ATP6V1A: variants seen among roughly 807,000 people sequenced by gnomAD.
ATP6V1A encodes the protein ATPase H+ transporting V1 subunit A.
Under a neutral mutation model 70.1 loss-of-function variants are expected in ATP6V1A, and 18 were observed. The observed-to-expected ratio is 0.26, with a 90% confidence interval of 0.18 to 0.38. ATP6V1A has a LOEUF of 0.38. Ranked by LOEUF, ATP6V1A falls within the 10% of genes least tolerant of loss-of-function variation. The pLI is 1.00. For synonymous variants in ATP6V1A, 232 were observed against 253.8 expected (o/e 0.91, Z 0.82); for missense variants, 424 against 772.4 (o/e 0.55, Z 5.35).
intron 12 of ATP6V1A, among the ~76,000 whole-genome samples, chr3:113,799,945 T>C (rs1709191450): frequency 6.6e-6 from 1 of 152,098 alleles, no homozygotes; most frequent in African/African-American, 2.4e-5. Flanking sequence ...AAGACGCCAC[T>C]TCTCAGCCAG....
intron 14 of ATP6V1A, among the ~76,000 whole-genome samples, chr3:113,807,759 A>AT (rs1358952881): frequency 6.6e-6 from 1 of 152,164 alleles, no homozygotes; most frequent in African/African-American, 2.4e-5. Flanking sequence ...CATCACAGGT[A>AT]TTTTTTAATG....
chr3:113,774,236 T>C (rs1041482126), intron 1 of ATP6V1A, among the ~76,000 whole-genome samples: 6 of 152,192 alleles, frequency 3.9e-5, no homozygotes, highest in African/African-American at 1.4e-4. Context: ...AGAGACTAGA[T>C]TTGGTTCAAG....
rs371639275 is a variant in ATP6V1A, at chr3:113,781,129, T to G, written c.162T>G (p.Ile54Met). 3.1e-6 allele frequency: 5 copies of G among 1,613,768 alleles called. No homozygotes were observed. The African/African-American group carries it at 5.3e-5, about 17-fold the overall frequency. Residue 54 changes from isoleucine to methionine, a missense_variant, in exon 3 of 15, where the codon ATT (isoleucine) becomes ATG (methionine). Around this residue, in one of 9 missense-constraint regions of ATP6V1A, gnomAD observed 31 missense variants for 78.6 expected, o/e 0.39. Transcript: ENST00000273398. ...RVGHSELVGE[I>M]IRLEGDMATI... ...GCCACAGCGAATTGGTTGGAGAGAT[T>G]ATTCGATTGGAGGGTGACATGGCTA...
chr3:113,808,411 C>G (rs1045652019), intron 14 of ATP6V1A, among the ~76,000 whole-genome samples: 3 of 150,502 alleles, frequency 2.0e-5, no homozygotes, highest in African/African-American at 7.3e-5. Context: ...CCTGCCTCAG[C>G]CTCCCAAGTA....
chr3:113,782,423 T>G (rs1166807660), intron 3 of ATP6V1A, among the ~76,000 whole-genome samples: 4 of 151,738 alleles, frequency 2.6e-5, no homozygotes, highest in African/African-American at 9.7e-5. Flanking sequence ...CACACCTCCA[T>G]GCACACATGG....
intron 14 of ATP6V1A, among the ~76,000 whole-genome samples, chr3:113,809,114 G>A (rs1709311965): frequency 6.6e-6 from 1 of 151,994 alleles, no homozygotes; most frequent in Non-Finnish European, 1.5e-5. Context: ...AATTAGCTGG[G>A]CGTGATGGTG....
chr3:113,781,474 C>T (rs976369944), intron 3 of ATP6V1A, among the ~76,000 whole-genome samples: 7 of 151,978 alleles, frequency 4.6e-5, no homozygotes, highest in East Asian at 1.9e-4. Flanking sequence ...GCAGAGATCG[C>T]ACCACTGCAC....
intron 2 of ATP6V1A, chr3:113,779,163 A>C (rs1312367437): frequency 5.7e-6 from 1 of 176,850 alleles, no homozygotes; most frequent in South Asian, 1.9e-4. Flanking sequence ...TATAGCTTTT[A>C]ATATGTAATA....
chr3:113,801,583 C>T (rs1709212621), intron 12 of ATP6V1A, among the ~76,000 whole-genome samples: 1 of 152,120 alleles, frequency 6.6e-6, no homozygotes, highest in African/African-American at 2.4e-5. Context: ...AATTCTCAAG[C>T]AGGTCCTTAA....
At chr3:113,805,108 C>T (rs559503823) in intron 13 of ATP6V1A, among the ~76,000 whole-genome samples, 1 of 152,124 alleles carries the variant, frequency 6.6e-6, no homozygotes, top group South Asian at 2.1e-4. Context: ...TAAAATTTAC[C>T]CTTAAAATAA....
chr3:113,759,630 A>G (rs1206372827), intron 1 of ATP6V1A, among the ~76,000 whole-genome samples: 1 of 152,082 alleles, frequency 6.6e-6, no homozygotes, highest in African/African-American at 2.4e-5. Context: ...ATATTTAATC[A>G]TAATTTTTGA....
At position 113,784,737 on chromosome 3, in the gene ATP6V1A, C is replaced by T; in HGVS notation, c.468C>T (p.Val156=). The T allele has an allele frequency of 6.2e-7, 1 of 1,614,010 alleles. No homozygotes were observed. The highest frequency in any genetic ancestry group is 1.1e-5 in the South Asian group (1 of 91,076). ...HITGGDIYGI[V]SENSLIKHKI... is the part of the protein sequence containing the mutation. ...CTGGCGGAGACATTTATGGAATTGT[C>T]AGTGAGAACTCGCTTATCAAACACA... The change falls in exon 5 of 15, where the codon GTC becomes GTT. Residue 156 remains valine, a synonymous_variant. Transcript: ENST00000273398.
At chr3:113,777,727 A>G (rs1396127508) in intron 1 of ATP6V1A, among the ~76,000 whole-genome samples, 1 of 152,164 alleles carries the variant, frequency 6.6e-6, no homozygotes, top group Non-Finnish European at 1.5e-5. Flanking sequence ...CACTCCTGCC[A>G]AATCGACGGA....
intron 2 of ATP6V1A, chr3:113,779,175 C>T (rs1708952774): frequency 6.0e-6 from 1 of 167,130 alleles, no homozygotes; most frequent in African/African-American, 2.4e-5. Flanking sequence ...TATGTAATAC[C>T]TTGCATATAG....
intron 1 of ATP6V1A, among the ~76,000 whole-genome samples, chr3:113,761,454 C>T (rs954840227): frequency 4.0e-5 from 6 of 150,966 alleles, no homozygotes; most frequent in South Asian, 2.1e-4. Context: ...AAATAAGTTT[C>T]GGCTGGGCTT....
chr3:113,766,734 T>G (rs1360828205), intron 1 of ATP6V1A, among the ~76,000 whole-genome samples: 1 of 152,210 alleles, frequency 6.6e-6, no homozygotes, highest in Admixed American at 6.5e-5. Flanking sequence ...GGGGACACAT[T>G]TAGTCCATGA....
chr3:113,801,464 G>A (rs1017095908), intron 12 of ATP6V1A, among the ~76,000 whole-genome samples: 3 of 152,196 alleles, frequency 2.0e-5, no homozygotes, highest in Admixed American at 6.5e-5. Context: ...TGGGGACAGA[G>A]GAGCTGGTGG....
At chr3:113,786,471 T>A (rs1334561737) in intron 6 of ATP6V1A, 88 bp downstream of exon 6, 1 of 1,338,744 alleles carries the variant, frequency 7.5e-7, no homozygotes, top group Non-Finnish European at 1.0e-6. Flanking sequence ...AGGGCTTATG[T>A]GTTTAACACT....
At chr3:113,779,843 T>C (rs1320762170) in intron 2 of ATP6V1A, among the ~76,000 whole-genome samples, 1 of 152,210 alleles carries the variant, frequency 6.6e-6, no homozygotes. Flanking sequence ...AAACAATTTT[T>C]ATTTTATTTT....
Sources: allele counts gnomAD v4.1 joint callset (sites outside exome capture counted in the v4.1 genomes callset), GRCh38; gene constraint gnomAD v4.1.1; regional missense constraint gnomAD v4.1.1; transcripts MANE v1.5; gene names NCBI Gene and HGNC (gene_info 2026-07-23, HGNC 2026-07-21).